The following NFIB variants were observed in gnomAD, a reference collection of about 807,000 sequenced individuals.
NFIB encodes the protein nuclear factor 1 B-type.
A neutral mutation model predicts 61.5 loss-of-function variants in NFIB; 11 were observed. The observed-to-expected ratio is 0.18, with a 90% CI of 0.11 to 0.30. NFIB has a LOEUF of 0.30. Among genes scored for constraint, NFIB ranks in the 10% least tolerant of loss-of-function variants. The pLI, the probability that NFIB is intolerant of heterozygous loss-of-function variation, is 1.00. For synonymous variants in NFIB, 260 were observed against 216.5 expected (o/e 1.20, Z -1.76); for missense variants, 471 against 608.9 (o/e 0.77, Z 2.38).
chr9:14,148,978 T>A (rs2042581071), intron 5 of NFIB, among the ~76,000 whole-genome samples: 1 of 152,198 alleles, frequency 6.6e-6, no homozygotes, highest in Non-Finnish European at 1.5e-5. Context: ...AGAGAAATGT[T>A]TTTTAAACCT....
At chr9:14,416,110 G>C in the NFIB span, among the ~76,000 whole-genome samples, 3 of 152,128 alleles carry the variant, frequency 2.0e-5, no homozygotes, top group Non-Finnish European at 4.4e-5. Context: ...AGTAAGCACT[G>C]AAACAAGCTA....
At chr9:14,201,217 C>T (rs531163877) in intron 2 of NFIB, among the ~76,000 whole-genome samples, 15 of 152,322 alleles carry the variant, frequency 9.8e-5, no homozygotes, top group African/African-American at 3.4e-4. Context: ...AATCACAACA[C>T]TTCACTCCTT....
chr9:14,085,130 C>T lies in NFIB; in HGVS notation c.*3179G>A, dbSNP rs574450530. 4.4e-6 allele frequency: 1 copy of T among 229,802 alleles called. No individual in the cohort carries two copies. Among genetic ancestry groups the T allele is most frequent in the South Asian group, 1.8e-4 (1 of 5,504 alleles). The allele number at this position is 229,802 out of a possible 1,614,324, so 14.2% of individuals were successfully genotyped here. A position where few individuals can be genotyped will look rare whatever the true frequency, so the allele number is the denominator to read the frequency against. On this transcript the variant is annotated 3_prime_UTR_variant, in exon 11 of 11. Coordinates refer to ENST00000380953, the MANE Select transcript of NFIB (RefSeq NM_001190737.2). The stretch of plus-strand genomic sequence containing the variant: ...TGGACTTACTTTTGAACTTGCACTG[C>T]TAGGATCCCGCTGTGCTGTTCAGCA...
chr9:14,364,190 G>C (rs538495298), intron 1 of NFIB, among the ~76,000 whole-genome samples: 1 of 152,144 alleles, frequency 6.6e-6, no homozygotes, highest in African/African-American at 2.4e-5. Flanking sequence ...GTAAGAAATT[G>C]TCTGTTTCCC....
intron 2 of NFIB, among the ~76,000 whole-genome samples, chr9:14,259,502 G>A (rs1430204028): frequency 6.6e-6 from 1 of 152,224 alleles, no homozygotes; most frequent in Non-Finnish European, 1.5e-5. Context: ...TGGGTATGAA[G>A]AGGGAGAAGT....
At position 14,255,088 on chromosome 9, in the gene NFIB, T is replaced by C. The variant is rs920379216; in HGVS notation, c.562+51901A>G. 2.6e-5 allele frequency among the ~76,000 whole-genome samples: 4 copies of C among 152,050 alleles called. No individual in the cohort carries two copies. In the East Asian group the frequency reaches 5.8e-4, roughly 22 times the overall value. On this transcript the variant is annotated intron_variant, in intron 2 of 10. Transcript: ENST00000380953. ...TAAAAATAAAAATAGCCAGGTGTGG[T>C]GGCGCATACCTGTAGTCCCAGTTTC...
chr9:14,432,007 G>A, the NFIB span, among the ~76,000 whole-genome samples: 1 of 152,168 alleles, frequency 6.6e-6, no homozygotes. Context: ...AGCTTCTGAG[G>A]GAGACAACTG....
intron 2 of NFIB, among the ~76,000 whole-genome samples, chr9:14,282,068 G>A (rs971342839): frequency 6.6e-6 from 1 of 152,074 alleles, no homozygotes; most frequent in South Asian, 2.1e-4. Context: ...TCTACTCAGG[G>A]GGCAAGAAGA....
At chr9:14,402,235 A>G (rs904976721), upstream of NFIB, among the ~76,000 whole-genome samples, 29 of 152,194 alleles carry the variant, frequency 1.9e-4, no homozygotes, top group Admixed American at 1.4e-3. Flanking sequence ...TTACATTGCC[A>G]CCTCAAACTA....
chr9:14,094,066 G>A (rs756110090), intron 10 of NFIB, among the ~76,000 whole-genome samples: 5 of 152,010 alleles, frequency 3.3e-5, no homozygotes, highest in East Asian at 1.9e-4. Context: ...AAACTGAAGC[G>A]AGGAAGTTAA....
chr9:14,498,334 T>G, the NFIB span, among the ~76,000 whole-genome samples: 1 of 152,226 alleles, frequency 6.6e-6, no homozygotes, highest in African/African-American at 2.4e-5. Context: ...ATCTCACATT[T>G]GGTCTGAGCC....
chr9:14,340,986 T>G (rs964574166), intron 1 of NFIB, among the ~76,000 whole-genome samples: 2 of 152,172 alleles, frequency 1.3e-5, no homozygotes, highest in African/African-American at 4.8e-5. Flanking sequence ...GTTGTACCCA[T>G]TGCAGTAACA....
chr9:14,130,404 T>C (rs1340968582), intron 6 of NFIB, among the ~76,000 whole-genome samples: 2 of 152,200 alleles, frequency 1.3e-5, no homozygotes, highest in African/African-American at 4.8e-5. Context: ...ATTTCCACTC[T>C]CCTTATTCCA....
chr9:14,495,300 A>T, the NFIB span, among the ~76,000 whole-genome samples: 3 of 152,182 alleles, frequency 2.0e-5, no homozygotes, highest in Non-Finnish European at 4.4e-5. Flanking sequence ...CCAGGAGAGC[A>T]GGCTGAGGTC....
chr9:14,313,554 ATCT>A lies in NFIB; in HGVS notation c.-46_-44del. The A allele has an allele frequency of 6.2e-7, 1 of 1,613,102 alleles. No individual in the cohort carries two copies. The highest frequency in any genetic ancestry group is 8.5e-7 in the Non-Finnish European group (1 of 1,179,576). On this transcript the variant is annotated 5_prime_UTR_variant, in exon 1 of 11. Coordinates refer to ENST00000380953, the MANE Select transcript of NFIB (RefSeq NM_001190737.2). The surrounding 1 kb of genome is among the most constrained non-coding windows in gnomAD (Gnocchi z 4.5). ...CACTTTCCGGGAGATGCCCAAGAAA[ATCT>A]TCGAGAAGCAAGAATTTCATCTATT...
At chr9:14,515,709 C>T in the NFIB span, among the ~76,000 whole-genome samples, 11 of 152,324 alleles carry the variant, frequency 7.2e-5, 1 homozygote, top group Admixed American at 7.2e-4. Flanking sequence ...TGAGCCTATG[C>T]ATATCCTCGG....
intron 4 of NFIB, 133 bp downstream of exon 4, chr9:14,155,692 C>T (rs2043313108): frequency 6.2e-6 from 3 of 482,530 alleles, no homozygotes; most frequent in South Asian, 4.1e-5. Context: ...ATTGTTATTT[C>T]ATCAAAGGTT....
the NFIB span, among the ~76,000 whole-genome samples, chr9:14,467,475 A>G: frequency 5.4e-4 from 82 of 152,290 alleles, 1 homozygote; most frequent in African/African-American, 1.9e-3. Context: ...AGGGCTGCCA[A>G]CTAAGCCACC....
chr9:14,187,017 G>GTGTGTGTA (rs2047418461), intron 2 of NFIB, among the ~76,000 whole-genome samples: 8 of 37,566 alleles, frequency 2.1e-4, no homozygotes, highest in Admixed American at 7.4e-4. Context: ...GTGTGTGTGT[G>GTGTGTGTA]TGTGTGTGTA....
Sources: gnomAD v4.1 joint callset for allele counts (sites outside exome capture counted in the v4.1 genomes callset) on GRCh38, gnomAD v4.1.1 for gene constraint, Gnocchi (gnomAD v3.1) non-coding constraint, MANE v1.5 for transcripts, NCBI Gene and HGNC (gene_info 2026-07-23, HGNC 2026-07-21) for gene names.